Variants in SLIT3 observed in about 807,000 individuals in gnomAD.
SLIT3 encodes the protein slit guidance ligand 3, also known as slit homolog 3 protein.
SLIT3 carries 68 observed loss-of-function variants against 184.0 expected under a neutral mutation model. That is an observed-to-expected ratio of 0.37 (90% CI 0.30 to 0.45). The LOEUF is 0.45. SLIT3 is among the 20% of genes least tolerant of loss of function. SLIT3 has a pLI of 1.00. For synonymous variants in SLIT3, 831 were observed against 828.6 expected (o/e 1.00, Z -0.05); for missense variants, 1,707 against 2,026.0 (o/e 0.84, Z 3.02).
chr5:168,939,443 G>A (rs917322325), intron 4 of SLIT3, among the ~76,000 whole-genome samples: 2 of 152,174 alleles, frequency 1.3e-5, no homozygotes, highest in African/African-American at 4.8e-5. Flanking sequence ...TGCTAACTCA[G>A]AAAGGCTTAA....
At chr5:169,231,007 G>A (rs1764983289) in intron 3 of SLIT3, among the ~76,000 whole-genome samples, 1 of 152,022 alleles carries the variant, frequency 6.6e-6, no homozygotes, top group Non-Finnish European at 1.5e-5. Context: ...ATTTTAAAGT[G>A]CAGCAGATCC....
At chr5:169,016,534 C>T (rs955862029) in intron 4 of SLIT3, among the ~76,000 whole-genome samples, 1 of 152,160 alleles carries the variant, frequency 6.6e-6, no homozygotes. Context: ...TGAGAAGTCA[C>T]TCCATTTGGG....
At chr5:169,084,006 A>G (rs1312313350) in intron 4 of SLIT3, among the ~76,000 whole-genome samples, 3 of 152,168 alleles carry the variant, frequency 2.0e-5, no homozygotes, top group Admixed American at 2.0e-4. Context: ...CCACCTTACC[A>G]GTGACCAGGA....
chr5:168,684,244 G>A (rs1370631585), intron 31 of SLIT3, 148 bp from the exon 32 acceptor site: 1 of 839,770 alleles, frequency 1.2e-6, no homozygotes. Flanking sequence ...CATCTAGTCA[G>A]TAAATCCCCA....
chr5:169,198,824 C>T (rs553140034), intron 3 of SLIT3, among the ~76,000 whole-genome samples: 9 of 151,938 alleles, frequency 5.9e-5, no homozygotes, highest in Non-Finnish European at 8.8e-5. Context: ...CCCCGCTACT[C>T]GGGAGGCTTA....
intron 4 of SLIT3, among the ~76,000 whole-genome samples, chr5:169,042,709 G>A (rs1324179734): frequency 6.6e-6 from 1 of 152,152 alleles, no homozygotes; most frequent in East Asian, 1.9e-4. Flanking sequence ...GCATTTTGTT[G>A]TTTGTTTGTT....
At chr5:168,976,979 G>C (rs1038842618) in intron 4 of SLIT3, among the ~76,000 whole-genome samples, 4 of 151,724 alleles carry the variant, frequency 2.6e-5, no homozygotes, top group African/African-American at 9.7e-5. Context: ...GTGGGGGCTG[G>C]ACATTTATTT....
At chr5:169,228,838 T>G (rs911211771) in intron 3 of SLIT3, among the ~76,000 whole-genome samples, 2 of 152,228 alleles carry the variant, frequency 1.3e-5, no homozygotes, top group African/African-American at 4.8e-5. Flanking sequence ...ATCCTGGTTT[T>G]GAAGCACCTC....
At chr5:168,692,226 C>T (rs556575570) in intron 29 of SLIT3, among the ~76,000 whole-genome samples, 10 of 152,174 alleles carry the variant, frequency 6.6e-5, no homozygotes, top group African/African-American at 1.9e-4. Flanking sequence ...ACCCTTTAGA[C>T]GCTGCTTCCC....
chr5:169,259,257 C>G (rs566066857), intron 1 of SLIT3, among the ~76,000 whole-genome samples: 43 of 152,246 alleles, frequency 2.8e-4, no homozygotes, highest in Middle Eastern at 3.4e-3. Context: ...CGGGGTTTCA[C>G]CAGGTTGGCC....
At chr5:169,265,514 C>G (rs4868461) in intron 1 of SLIT3, among the ~76,000 whole-genome samples, 150,504 of 152,318 alleles carry the variant, frequency 0.99, 74,358 homozygotes, top group East Asian at 1. Flanking sequence ...AATCTTTTTT[C>G]GCATCAGAGT....
At chr5:169,068,804 G>A (rs1278795014) in intron 4 of SLIT3, among the ~76,000 whole-genome samples, 2 of 150,970 alleles carry the variant, frequency 1.3e-5, no homozygotes, top group Non-Finnish European at 1.5e-5. Flanking sequence ...TACTCATTAC[G>A]GGAAAAACCC....
In SLIT3 at chr5:168,940,856, G is replaced by C. The variant is rs35194628; in HGVS notation, c.414-57520C>G. On this transcript the variant is annotated intron_variant, in intron 4 of 35. Transcript: ENST00000519560. ...ATGTGGCAAGGGACAGGGTTTCCAGGAGGAGGGTGCGTGCTGTGTTTAAGT... is the reference window on the plus strand; with the variant it reads ...ATGTGGCAAGGGACAGGGTTTCCAGCAGGAGGGTGCGTGCTGTGTTTAAGT... Among the ~76,000 whole-genome samples, 706 of 152,250 alleles carry C rather than the reference G, an allele frequency of 4.6e-3. 6 individuals are homozygous for C. The highest frequency in any genetic ancestry group is 0.016 in the African/African-American group (672 of 41,542).
intron 1 of SLIT3, among the ~76,000 whole-genome samples, chr5:169,273,213 G>A (rs748795864): frequency 1.4e-4 from 22 of 152,168 alleles, no homozygotes; most frequent in Non-Finnish European, 2.4e-4. Flanking sequence ...TGTGGCAACC[G>A]GCACTCGGCC....
intron 20 of SLIT3, among the ~76,000 whole-genome samples, chr5:168,746,905 A>T (rs200643277): frequency 0.025 from 352 of 14,068 alleles, no homozygotes; most frequent in Middle Eastern, 0.045. Flanking sequence ...GTGGTGTGTG[A>T]GTGTGGTGGT....
At chr5:168,746,093 G>A (rs1763791388) in intron 20 of SLIT3, among the ~76,000 whole-genome samples, 1 of 152,218 alleles carries the variant, frequency 6.6e-6, no homozygotes, top group Admixed American at 6.5e-5. Context: ...TATGCACTGG[G>A]AAACCAAAAC....
chr5:168,807,068 G>C (rs113546250), intron 8 of SLIT3, among the ~76,000 whole-genome samples: 6 of 152,236 alleles, frequency 3.9e-5, no homozygotes, highest in Non-Finnish European at 8.8e-5. Context: ...TTGTCAAAGT[G>C]TTAATACCCC....
chr5:169,045,276 C>A (rs1451365167), intron 4 of SLIT3, among the ~76,000 whole-genome samples: 1 of 152,056 alleles, frequency 6.6e-6, no homozygotes, highest in African/African-American at 2.4e-5. Flanking sequence ...CCTAAACGTG[C>A]AACTTGGGCA....
intron 16 of SLIT3, among the ~76,000 whole-genome samples, chr5:168,758,594 G>A (rs1264439550): frequency 1.3e-5 from 2 of 152,214 alleles, no homozygotes; most frequent in Non-Finnish European, 2.9e-5. Flanking sequence ...TCACCCAAGT[G>A]TGCCCTTCTC....
Sources: allele counts gnomAD v4.1 joint callset (sites outside exome capture counted in the v4.1 genomes callset), GRCh38; gene constraint gnomAD v4.1.1; transcripts MANE v1.5; gene names NCBI Gene and HGNC (gene_info 2026-07-23, HGNC 2026-07-21).